Variants in LRRIQ1 observed in about 807,000 individuals in gnomAD.
The protein encoded by LRRIQ1 is leucine rich repeats and IQ motif containing 1, also known as leucine-rich repeat- and IQ domain-containing protein 1.
LRRIQ1 carries 210 observed loss-of-function variants against 211.9 expected under a neutral mutation model. That is an observed-to-expected ratio of 0.99 (90% CI 0.89 to 1.11). The LOEUF is 1.11. Ranked by LOEUF, LRRIQ1 falls within the 50% of genes most tolerant of loss-of-function variation. LRRIQ1 has a pLI of 0.00. For missense variants in LRRIQ1, 2,136 were observed against 1,939.5 expected (o/e 1.10, Z -1.90); for synonymous variants, 699 against 650.1 (o/e 1.08, Z -1.14).
At chr12:85,262,535 A>G (rs1221930160) in intron 1 of LRRIQ1, among the ~76,000 whole-genome samples, 4 of 152,056 alleles carry the variant, frequency 2.6e-5, no homozygotes, top group African/African-American at 9.6e-5. Context: ...AACATGTTTT[A>G]TTATAATAAT....
intron 24 of LRRIQ1, among the ~76,000 whole-genome samples, chr12:85,184,227 T>C (rs890460860): frequency 3.3e-5 from 5 of 152,056 alleles, no homozygotes; most frequent in African/African-American, 7.2e-5. Flanking sequence ...TATATTAACT[T>C]GTATTTATCC....
At chr12:85,061,367 A>T (rs1423824714) in intron 8 of LRRIQ1, among the ~76,000 whole-genome samples, 1 of 151,702 alleles carries the variant, frequency 6.6e-6, no homozygotes, top group Admixed American at 6.6e-5. Context: ...CGAGTAGGGG[A>T]CTATATTGCT....
intron 24 of LRRIQ1, among the ~76,000 whole-genome samples, chr12:85,167,461 C>T (rs1891206766): frequency 6.6e-6 from 1 of 151,692 alleles, no homozygotes; most frequent in South Asian, 2.1e-4. Context: ...CCAAGTGCCT[C>T]TTGCAAACTG....
chr12:85,229,372 G>A, intron 24 of LRRIQ1, 145 bp from the exon 25 acceptor site: 1 of 578,950 alleles, frequency 1.7e-6, no homozygotes, highest in South Asian at 3.7e-5. Flanking sequence ...TTTTCTTACT[G>A]ACATTAGTTT....
At chr12:85,116,433 C>T (rs1311576238) in intron 15 of LRRIQ1, among the ~76,000 whole-genome samples, 1 of 152,138 alleles carries the variant, frequency 6.6e-6, no homozygotes, top group African/African-American at 2.4e-5. Context: ...CGTGAGCCAC[C>T]GGGCACGGCC....
intron 16 of LRRIQ1, among the ~76,000 whole-genome samples, chr12:85,122,734 C>A (rs1428004680): frequency 6.6e-6 from 1 of 151,986 alleles, no homozygotes; most frequent in Non-Finnish European, 1.5e-5. Context: ...AAAAAGAAAT[C>A]TCACATCATT....
chr12:85,250,348 G>A (rs1895870205), intron 1 of LRRIQ1, among the ~76,000 whole-genome samples: 1 of 151,732 alleles, frequency 6.6e-6, no homozygotes, highest in South Asian at 2.1e-4. Context: ...TATGTTAAGT[G>A]TTTCATTTCA....
chr12:85,256,578 A>G (rs1041640047), intron 1 of LRRIQ1, among the ~76,000 whole-genome samples: 1 of 151,652 alleles, frequency 6.6e-6, no homozygotes, highest in Non-Finnish European at 1.5e-5. Context: ...GAAAGTTTCC[A>G]TGAAAAATTT....
chr12:85,261,235 C>G (rs1489531563), intron 1 of LRRIQ1, among the ~76,000 whole-genome samples: 1 of 151,876 alleles, frequency 6.6e-6, no homozygotes, highest in Non-Finnish European at 1.5e-5. Flanking sequence ...TAACTTTATC[C>G]CTGCTTTTTA....
chr12:85,192,720 T>G (rs1892621062), intron 24 of LRRIQ1, among the ~76,000 whole-genome samples: 3 of 100,678 alleles, frequency 3.0e-5, no homozygotes, highest in Non-Finnish European at 5.1e-5. Flanking sequence ...TAATTATAAA[T>G]ATATATAGTT....
chr12:85,123,888 T>C (rs1234851597), intron 16 of LRRIQ1, among the ~76,000 whole-genome samples, 182 bp from the exon 17 acceptor site: 4 of 152,154 alleles, frequency 2.6e-5, no homozygotes, highest in African/African-American at 4.8e-5. Flanking sequence ...AACAAATGTT[T>C]TCAAATTTTG....
intron 24 of LRRIQ1, among the ~76,000 whole-genome samples, chr12:85,218,319 G>A (rs964736307): frequency 6.6e-6 from 1 of 151,840 alleles, no homozygotes; most frequent in African/African-American, 2.4e-5. Flanking sequence ...GAACCCCGAA[G>A]TTGACCTGAA....
At chr12:85,158,991 A>T (rs1313628618) in intron 23 of LRRIQ1, among the ~76,000 whole-genome samples, 1 of 151,886 alleles carries the variant, frequency 6.6e-6, no homozygotes, top group African/African-American at 2.4e-5. Context: ...ATCTAAAAGT[A>T]CTATGTTTCT....
At chr12:85,117,979 CTTCATTTATTTTTGGTTATTACCAGTT>C (rs917517696) in intron 15 of LRRIQ1, among the ~76,000 whole-genome samples, 11 of 152,162 alleles carry the variant, frequency 7.2e-5, no homozygotes, top group Admixed American at 3.3e-4. Context: ...CAGCTGATTT[CTTCATTTATTTTTGGTTATTACCAGTT>C]TTATTTTCAG....
At chr12:85,198,862 C>T (rs1266467149) in intron 24 of LRRIQ1, among the ~76,000 whole-genome samples, 1 of 151,780 alleles carries the variant, frequency 6.6e-6, no homozygotes, top group Non-Finnish European at 1.5e-5. Flanking sequence ...GACACCGCAC[C>T]CGGCCGATGT....
downstream of LRRIQ1, among the ~76,000 whole-genome samples, chr12:85,248,716 T>C (rs528007232): frequency 8.6e-5 from 13 of 151,892 alleles, no homozygotes; most frequent in South Asian, 2.7e-3. Flanking sequence ...ATTATAGTGG[T>C]TGAGGTGACT....
At chr12:85,049,765 A>G (rs1347700975) in intron 6 of LRRIQ1, among the ~76,000 whole-genome samples, 1 of 152,166 alleles carries the variant, frequency 6.6e-6, no homozygotes, top group Admixed American at 6.5e-5. Flanking sequence ...ACACTGAATG[A>G]AACTGTTCTT....
chr12:85,091,615 C>T (rs1246780134), intron 11 of LRRIQ1, among the ~76,000 whole-genome samples: 1 of 152,006 alleles, frequency 6.6e-6, no homozygotes, highest in Non-Finnish European at 1.5e-5. Context: ...AGGTTTTCTC[C>T]TGGATTTTTA....
At chr12:85,097,165 A>G (rs1026827371) in intron 11 of LRRIQ1, among the ~76,000 whole-genome samples, 1 of 152,118 alleles carries the variant, frequency 6.6e-6, no homozygotes, top group African/African-American at 2.4e-5. Context: ...TCACACTGCT[A>G]TAAAGAACAA....
Sources: gnomAD v4.1 joint callset for allele counts (sites outside exome capture counted in the v4.1 genomes callset) on GRCh38, gnomAD v4.1.1 for gene constraint, MANE v1.5 for transcripts, NCBI Gene and HGNC (gene_info 2026-07-23, HGNC 2026-07-21) for gene names.